The following GABRA4 variants were observed in gnomAD, a reference collection of about 807,000 sequenced individuals.
GABRA4 encodes the protein gamma-aminobutyric acid receptor subunit alpha-4.
A neutral mutation model predicts 49.7 loss-of-function variants in GABRA4; 12 were observed. The observed-to-expected ratio is 0.24, with a 90% confidence interval of 0.15 to 0.39. The LOEUF (loss-of-function observed/expected upper bound fraction) is 0.39. Among genes scored for constraint, GABRA4 ranks in the 10% least tolerant of loss-of-function variants. The pLI is 1.00. For synonymous variants in GABRA4, 288 were observed against 240.2 expected (o/e 1.20, Z -1.84); for missense variants, 506 against 686.0 (o/e 0.74, Z 2.93).
chr4:46,969,358 T>A (rs144311104), intron 7 of GABRA4, among the ~76,000 whole-genome samples: 78 of 151,708 alleles, frequency 5.1e-4, no homozygotes, highest in Non-Finnish European at 7.4e-4. Flanking sequence ...GAAATATTTG[T>A]ATTTTTTTGT....
Position 46,921,673 on chromosome 4 carries a change from C to A in GABRA4, c.*6552G>T, listed in dbSNP as rs1293207156. The A allele has an allele frequency of 6.6e-6, 1 of 151,774 alleles. No homozygotes were observed. The highest frequency in any genetic ancestry group is 1.5e-5 in the Non-Finnish European group (1 of 67,930). The allele number at this position is 151,774 out of a possible 1,614,324, so 9.4% of individuals were successfully genotyped here. A position where few individuals can be genotyped will look rare whatever the true frequency, so the allele number is the denominator to read the frequency against. On this transcript the variant is annotated 3_prime_UTR_variant, in exon 9 of 9. Transcript: ENST00000264318. ...TCAGTAAAAGATACTCTGGTCAATCCCTGGTCTATTGGAAGTGCAAATAAC... is the reference window on the plus strand; with the variant it reads ...TCAGTAAAAGATACTCTGGTCAATCACTGGTCTATTGGAAGTGCAAATAAC...
At chr4:46,949,589 A>G (rs1722095181) in intron 8 of GABRA4, among the ~76,000 whole-genome samples, 1 of 152,146 alleles carries the variant, frequency 6.6e-6, no homozygotes, top group African/African-American at 2.4e-5. Flanking sequence ...TTGGAAAAAA[A>G]TCTGTATATT....
rs1175293594 is a variant in GABRA4 at position 46,926,690 on chromosome 4, A to T, written c.*1535T>A. 6.6e-6 allele frequency: 1 copy of T among 151,938 alleles called. No individual in the cohort carries two copies. The highest frequency in any genetic ancestry group is 1.5e-5 in the Non-Finnish European group (1 of 67,898). The allele number at this position is 151,938 out of a possible 1,614,324, so 9.4% of individuals were successfully genotyped here. A position where few individuals can be genotyped will look rare whatever the true frequency, so the allele number is the denominator to read the frequency against. The stretch of plus-strand genomic sequence containing the variant: ...ATCCATTCCAGAGCAGATAGAGAGA[A>T]GCACAGAAGAAAATCTAGAGGCAAT... On this transcript the variant is annotated 3_prime_UTR_variant, in exon 9 of 9. Coordinates refer to ENST00000264318, the MANE Select transcript of GABRA4 (RefSeq NM_000809.4).
chr4:46,978,687 C>CAAAAAAAAAAAAAAAAAA (rs71193889), intron 3 of GABRA4, among the ~76,000 whole-genome samples: 9 of 21,652 alleles, frequency 4.2e-4, no homozygotes, highest in Non-Finnish European at 7.1e-4. Flanking sequence ...AACTTCATCT[C>CAAAAAAAAAAAAAAAAAA]AAAAAAAAAA....
At chr4:46,971,059 G>T (rs187158626) in intron 7 of GABRA4, 24 bp downstream of exon 7, 1 of 1,592,280 alleles carries the variant, frequency 6.3e-7, no homozygotes, top group South Asian at 1.1e-5. Context: ...GAACAAAAAC[G>T]CCCAAGAAAT....
intron 8 of GABRA4, among the ~76,000 whole-genome samples, chr4:46,962,914 A>G (rs1722629556): frequency 1.3e-5 from 2 of 151,860 alleles, no homozygotes; most frequent in South Asian, 4.1e-4. Flanking sequence ...TACGCAGAAG[A>G]ATGAAAATAG....
intron 7 of GABRA4, among the ~76,000 whole-genome samples, chr4:46,970,587 T>C (rs1287622563): frequency 2.6e-5 from 4 of 151,478 alleles, no homozygotes; most frequent in Non-Finnish European, 5.9e-5. Context: ...AGTAAATATA[T>C]GAGCTTATAA....
rs1370525724 is a variant in GABRA4 at position 46,920,647 on chromosome 4, A to G, written c.*7578T>C. 1 of 151,696 alleles carries G rather than the reference A, an allele frequency of 6.6e-6. No individual in the cohort carries two copies. The highest frequency in any genetic ancestry group is 2.4e-5 in the African/African-American group (1 of 41,414). 9.4% of individuals were successfully genotyped at this position (151,696 alleles called of 1,614,324 possible). A position where few individuals can be genotyped will look rare whatever the true frequency, so the allele number is the denominator to read the frequency against. The stretch of plus-strand genomic sequence containing the variant: ...TCTATTTTGCTGACACCATTTGTTT[A>G]TCCTCTCTGATCACACACACTCACA... On this transcript the variant is annotated 3_prime_UTR_variant, in exon 9 of 9. Coordinates refer to ENST00000264318, the MANE Select transcript of GABRA4 (RefSeq NM_000809.4).
chr4:46,934,851 T>C (rs1721555636), intron 8 of GABRA4, among the ~76,000 whole-genome samples: 1 of 152,192 alleles, frequency 6.6e-6, no homozygotes, highest in South Asian at 2.1e-4. Flanking sequence ...ACTTCTTTGG[T>C]CAGAGCAGAG....
intron 4 of GABRA4, 77 bp from the exon 5 acceptor site, chr4:46,977,220 G>A (rs565455043): frequency 1.2e-6 from 1 of 857,466 alleles, no homozygotes; most frequent in Non-Finnish European, 1.8e-6. Flanking sequence ...AAATAGGAAG[G>A]AAGGGAGGGA....
intron 5 of GABRA4, among the ~76,000 whole-genome samples, chr4:46,975,934 G>A (rs1723126336): frequency 6.6e-6 from 1 of 151,908 alleles, no homozygotes; most frequent in Non-Finnish European, 1.5e-5. Flanking sequence ...GTGATTACTA[G>A]GGGTTATAAA....
intron 7 of GABRA4, among the ~76,000 whole-genome samples, chr4:46,970,837 A>C (rs568394297): frequency 6.6e-6 from 1 of 151,678 alleles, no homozygotes; most frequent in African/African-American, 2.4e-5. Context: ...CCAGATTCAC[A>C]TTTGGTCTAT....
chr4:46,977,266 A>AAGGAAGGGAAGG, intron 4 of GABRA4, 123 bp from the exon 5 acceptor site: 1 of 430,858 alleles, frequency 2.3e-6, no homozygotes, highest in Admixed American at 4.4e-5. Flanking sequence ...AAAAGGAAGG[A>AAGGAAGGGAAGG]AGGAAGGGAA....
chr4:46,976,678 T>A (rs1040986134), intron 5 of GABRA4, among the ~76,000 whole-genome samples: 3 of 151,526 alleles, frequency 2.0e-5, no homozygotes, highest in Non-Finnish European at 4.4e-5. Context: ...TATCTATGTA[T>A]CTATCTATCT....
At chr4:46,939,903 A>G (rs1721734522) in intron 8 of GABRA4, among the ~76,000 whole-genome samples, 1 of 151,990 alleles carries the variant, frequency 6.6e-6, no homozygotes. Flanking sequence ...ACTGTCATGA[A>G]GTGCTTATAG....
chr4:46,989,840 T>A (rs1723681630), intron 2 of GABRA4, among the ~76,000 whole-genome samples: 1 of 152,246 alleles, frequency 6.6e-6, no homozygotes, highest in Admixed American at 6.5e-5. Flanking sequence ...AAATCTGGAT[T>A]GTTTTCATTT....
intron 7 of GABRA4, among the ~76,000 whole-genome samples, chr4:46,965,584 C>G: frequency 6.6e-6 from 1 of 151,706 alleles, no homozygotes; most frequent in Non-Finnish European, 1.5e-5. Context: ...ATCCTGGAAA[C>G]TGAGCCAACA....
chr4:46,970,363 A>C (rs1722907919), intron 7 of GABRA4, among the ~76,000 whole-genome samples: 2 of 151,534 alleles, frequency 1.3e-5, no homozygotes, highest in South Asian at 2.1e-4. Context: ...CTCACAATGA[A>C]CAGAAAAAGA....
chr4:46,978,280 G>A (rs1022023908), intron 3 of GABRA4, among the ~76,000 whole-genome samples: 1 of 151,966 alleles, frequency 6.6e-6, no homozygotes, highest in Non-Finnish European at 1.5e-5. Context: ...TGGGCAGCAA[G>A]CAATTAGATC....
Sources: allele counts gnomAD v4.1 joint callset (sites outside exome capture counted in the v4.1 genomes callset), GRCh38; gene constraint gnomAD v4.1.1; transcripts MANE v1.5; gene names NCBI Gene and HGNC (gene_info 2026-07-23, HGNC 2026-07-21).